Variants in OR2L13 observed in about 807,000 individuals in gnomAD.
The protein encoded by OR2L13 is olfactory receptor 2L13.
A neutral mutation model predicts 15.3 loss-of-function variants in OR2L13; 14 were observed. That is an observed-to-expected ratio of 0.91 (90% confidence interval 0.60 to 1.43). The LOEUF is 1.43. Among genes scored for constraint, OR2L13 ranks in the 40% most tolerant of loss-of-function variants. The probability of loss-of-function intolerance (pLI) is 0.00; values close to 1 mark genes in which losing one functional copy is unlikely to be tolerated. For missense variants in OR2L13, 367 were observed against 387.9 expected, an observed-to-expected ratio of 0.95 and a Z score of 0.45; for synonymous variants, 152 against 142.9, an observed-to-expected ratio of 1.06 and a Z score of -0.45.
the OR2L13 span, among the ~76,000 whole-genome samples, chr1:247,942,381 T>G: frequency 2.0e-5 from 3 of 152,276 alleles, no homozygotes; most frequent in Middle Eastern, 3.4e-3. Flanking sequence ...AAATGTTTTC[T>G]AGATCCTGAA....
the OR2L13 span, among the ~76,000 whole-genome samples, chr1:248,082,122 GA>G: frequency 2.0e-5 from 3 of 147,214 alleles, no homozygotes; most frequent in African/African-American, 7.8e-5. Flanking sequence ...ACTGGATTAA[GA>G]AAATGTGGCA....
At chr1:248,100,828 G>C (rs1308212936) in exon 3 of OR2L13, 6 of 167,156 alleles carry the variant, frequency 3.6e-5, no homozygotes, top group African/African-American at 1.4e-4. Flanking sequence ...ATATGCATGT[G>C]TATGTGCATG....
the OR2L13 span, among the ~76,000 whole-genome samples, chr1:247,952,134 A>C: frequency 0.8 from 121,455 of 152,154 alleles, 52,677 homozygotes; most frequent in South Asian, 0.95. Flanking sequence ...ATTCATACTC[A>C]GAGATGAAAT....
At chr1:247,940,496 G>C in the OR2L13 span, among the ~76,000 whole-genome samples, 15 of 152,224 alleles carry the variant, frequency 9.9e-5, no homozygotes, top group Admixed American at 7.9e-4. Flanking sequence ...GCTTTAATGG[G>C]TGAAAGTGTT....
At chr1:248,094,237 A>C (rs984236943), upstream of OR2L13, among the ~76,000 whole-genome samples, 4 of 152,268 alleles carry the variant, frequency 2.6e-5, no homozygotes, top group African/African-American at 9.6e-5. Flanking sequence ...AAGGAAAAAA[A>C]CAAAGAACAT....
chr1:247,999,067 C>T, the OR2L13 span, among the ~76,000 whole-genome samples: 1 of 152,112 alleles, frequency 6.6e-6, no homozygotes, highest in Non-Finnish European at 1.5e-5. Flanking sequence ...GTGATACACC[C>T]AGTCAAGTAA....
chr1:247,981,294 C>T, the OR2L13 span, among the ~76,000 whole-genome samples: 643 of 151,808 alleles, frequency 4.2e-3, 4 homozygotes, highest in South Asian at 0.021. Context: ...GTTGTTTTTG[C>T]GTAAAAATAT....
chr1:248,084,918 CT>C, the OR2L13 span, among the ~76,000 whole-genome samples: 3 of 152,156 alleles, frequency 2.0e-5, no homozygotes, highest in Non-Finnish European at 2.9e-5. Context: ...GTTTCCTGTC[CT>C]ATACTTACTC....
At chr1:247,972,966 T>G in the OR2L13 span, among the ~76,000 whole-genome samples, 361 of 152,240 alleles carry the variant, frequency 2.4e-3, no homozygotes, top group African/African-American at 7.8e-3. Flanking sequence ...GCATGGTTGA[T>G]TCAACATATG....
the OR2L13 span, among the ~76,000 whole-genome samples, chr1:248,005,864 A>G: frequency 2.0e-5 from 3 of 152,198 alleles, no homozygotes; most frequent in Non-Finnish European, 4.4e-5. Context: ...CAGTTAAAAC[A>G]TACATTTTGA....
chr1:247,978,504 A>G, the OR2L13 span, among the ~76,000 whole-genome samples: 1 of 152,216 alleles, frequency 6.6e-6, no homozygotes, highest in Non-Finnish European at 1.5e-5. Flanking sequence ...AAATGTCATT[A>G]TGCATTTCAT....
At chr1:248,050,524 G>T in the OR2L13 span, among the ~76,000 whole-genome samples, 1 of 151,916 alleles carries the variant, frequency 6.6e-6, no homozygotes. Flanking sequence ...ACTGGAACAT[G>T]GATAATAAAA....
chr1:248,001,311 C>G, the OR2L13 span, among the ~76,000 whole-genome samples: 5 of 151,836 alleles, frequency 3.3e-5, no homozygotes, highest in Admixed American at 3.3e-4. Context: ...TTCACGCCTC[C>G]CTCCTTCCTT....
chr1:247,975,606 G>A, the OR2L13 span: 3 of 1,314,240 alleles, frequency 2.3e-6, no homozygotes, highest in Non-Finnish European at 3.3e-6. Flanking sequence ...GAAACAGGGA[G>A]GTGATGGGGG....
the OR2L13 span, among the ~76,000 whole-genome samples, chr1:248,065,781 G>A: frequency 6.6e-6 from 1 of 151,922 alleles, no homozygotes; most frequent in East Asian, 1.9e-4. Context: ...GTGAAGGAGT[G>A]AATTACATGC....
chr1:248,073,177 G>A, the OR2L13 span, among the ~76,000 whole-genome samples: 10 of 152,178 alleles, frequency 6.6e-5, no homozygotes, highest in South Asian at 1.9e-3. Flanking sequence ...ACATGCACAC[G>A]TATGTTTATT....
the OR2L13 span, chr1:248,022,736 C>T: frequency 6.2e-6 from 10 of 1,614,102 alleles, no homozygotes; most frequent in African/African-American, 6.7e-5. Context: ...GTCCAAGATC[C>T]CTGCGATCTC....
At chr1:247,958,469 A>G in the OR2L13 span, among the ~76,000 whole-genome samples, 8 of 152,166 alleles carry the variant, frequency 5.3e-5, no homozygotes, top group Non-Finnish European at 1.2e-4. Flanking sequence ...CGCTTGGTGC[A>G]GAGCTGAGTT....
the OR2L13 span, among the ~76,000 whole-genome samples, chr1:248,068,272 C>T: frequency 6.6e-6 from 1 of 152,064 alleles, no homozygotes; most frequent in South Asian, 2.1e-4. Context: ...TGACACCTCA[C>T]ACGGCCGGGT....
Sources: gnomAD v4.1 joint callset for allele counts (sites outside exome capture counted in the v4.1 genomes callset) on GRCh38, gnomAD v4.1.1 for gene constraint, MANE v1.5 for transcripts, NCBI Gene and HGNC (gene_info 2026-07-23, HGNC 2026-07-21) for gene names.